Variants in SLC24A1 observed in about 807,000 individuals in gnomAD.
The protein encoded by SLC24A1 is sodium/potassium/calcium exchanger 1.
A neutral mutation model predicts 88.1 loss-of-function variants in SLC24A1; 52 were observed. The ratio of observed to expected loss-of-function variants is 0.59; its 90% CI spans 0.47 to 0.74. The LOEUF (loss-of-function observed/expected upper bound fraction) is 0.74. Among genes scored for constraint, SLC24A1 ranks in the 30% least tolerant of loss-of-function variants. The pLI, the probability that SLC24A1 is intolerant of heterozygous loss-of-function variation, is 0.00. For synonymous variants in SLC24A1, 455 were observed against 498.0 expected (o/e 0.91, Z 1.15); for missense variants, 1,173 against 1,363.3 (o/e 0.86, Z 2.20).
downstream of SLC24A1, among the ~76,000 whole-genome samples, chr15:65,657,070 C>T (rs528775422): frequency 3.3e-5 from 5 of 151,990 alleles, no homozygotes; most frequent in Non-Finnish European, 7.4e-5. Flanking sequence ...AGGGTTTTGC[C>T]ATGTTGCCCA....
At chr15:65,613,937 C>T (rs990799611) in intron 2 of SLC24A1, among the ~76,000 whole-genome samples, 2 of 152,128 alleles carry the variant, frequency 1.3e-5, no homozygotes, top group African/African-American at 2.4e-5. Context: ...CCTGCATTTC[C>T]CTTTCTGCCC....
intron 2 of SLC24A1, among the ~76,000 whole-genome samples, chr15:65,633,016 A>C (rs1421410262): frequency 6.6e-6 from 1 of 152,234 alleles, no homozygotes; most frequent in Non-Finnish European, 1.5e-5. Context: ...GAGAGCCGAC[A>C]TCTCAACACA....
At chr15:65,637,656 T>C (rs2074986523) in intron 2 of SLC24A1, among the ~76,000 whole-genome samples, 1 of 152,196 alleles carries the variant, frequency 6.6e-6, no homozygotes, top group South Asian at 2.1e-4. Context: ...ACCTTCAAGA[T>C]GCTAGTGGGG....
downstream of SLC24A1, among the ~76,000 whole-genome samples, chr15:65,656,582 T>G (rs1231443750): frequency 2.6e-5 from 4 of 152,240 alleles, no homozygotes; most frequent in African/African-American, 9.6e-5. Context: ...GAGATGGTCC[T>G]CTCACTTTAT....
At chr15:65,657,697 G>A (rs1035629601), downstream of SLC24A1, among the ~76,000 whole-genome samples, 3 of 152,220 alleles carry the variant, frequency 2.0e-5, no homozygotes, top group African/African-American at 4.8e-5. Context: ...ATGTGCCAAT[G>A]AATACTCTTG....
At chr15:65,649,919 C>T (rs1407573020) in intron 6 of SLC24A1, among the ~76,000 whole-genome samples, 1 of 152,166 alleles carries the variant, frequency 6.6e-6, no homozygotes, top group African/African-American at 2.4e-5. Flanking sequence ...GGATGCCCTC[C>T]TCCTGGGATA....
intron 2 of SLC24A1, among the ~76,000 whole-genome samples, chr15:65,627,155 T>A (rs143769150): frequency 6.6e-6 from 1 of 152,334 alleles, no homozygotes; most frequent in African/African-American, 2.4e-5. Flanking sequence ...TAACATGTTG[T>A]TCTGGCCAAA....
chr15:65,644,521 G>A lies in SLC24A1; in HGVS notation c.2140+8G>A. 1 of 1,567,262 alleles carries A rather than the reference G, an allele frequency of 6.4e-7. No individual in the cohort carries two copies. The highest frequency in any genetic ancestry group is 8.7e-7 in the Non-Finnish European group (1 of 1,154,650). On this transcript the variant is annotated splice_region_variant and intron_variant, in intron 5 of 9. Coordinates refer to ENST00000261892, the MANE Select transcript of SLC24A1 (RefSeq NM_004727.3). ...CAGAAAGCAAACCAGAAGGTGAGAG[G>A]ATGGCCAGACCAGTGGGTTTTCTCC...
Position 65,625,886 on chromosome 15 carries a change from G to C in SLC24A1, c.1806G>C (p.Trp602Cys), listed in dbSNP as rs2141474039. 1 of 1,613,998 alleles carries C rather than the reference G, an allele frequency of 6.2e-7. No homozygotes were observed. The highest frequency in any genetic ancestry group is 8.5e-7 in the Non-Finnish European group (1 of 1,179,900). The change falls in exon 2 of 10, where the codon TGG becomes TGC. Residue 602 changes from tryptophan (W) to cysteine (C), a missense_variant. Coordinates refer to ENST00000261892, the MANE Select transcript of SLC24A1 (RefSeq NM_004727.3). ...AYAFYVFTMK[W>C]NKHIEVWVKE... ...CCTTCTATGTGTTCACCATGAAGTG[G>C]AACAAGCATATCGAGGTCTGGGTGA... is the stretch of plus-strand genomic sequence containing the variant.
chr15:65,653,779 G>T, intron 9 of SLC24A1, 51 bp from the exon 10 acceptor site: 1 of 1,576,666 alleles, frequency 6.3e-7, no homozygotes, highest in Non-Finnish European at 8.7e-7. Context: ...TTAAGTGTAT[G>T]GGATTATTAT....
At position 65,650,621 on chromosome 15, in the gene SLC24A1, T is replaced by A; in HGVS notation, c.2472T>A (p.Asn824Lys). 1 of 1,550,552 alleles carries A rather than the reference T, an allele frequency of 6.4e-7. No homozygotes were observed. The highest frequency in any genetic ancestry group is 8.7e-7 in the Non-Finnish European group (1 of 1,146,500). Residue 824 changes from asparagine (N) to lysine (K), a missense_variant, in exon 7 of 10, where the codon AAT becomes AAA. Physicochemically the swap from Asn to Lys is moderately conservative, Grantham distance 94. Transcript: ENST00000261892. The surrounding 1 kb of genome is among the most constrained non-coding windows in gnomAD (Gnocchi z 4.1). ...IHAEDGEMKGNEGETESQELS... is the reference protein window; with the variant it reads ...IHAEDGEMKGKEGETESQELS... ...CAGAAGATGGTGAAATGAAAGGTAA[T>A]GAAGGTGAAACTGAAAGCCAGGAAC...
Position 65,654,763 on chromosome 15 carries a change from T to C in SLC24A1, c.*684T>C. 1 of 1,132,928 alleles carries C rather than the reference T, an allele frequency of 8.8e-7. No individual in the cohort carries two copies. Among genetic ancestry groups the C allele is most frequent in the Non-Finnish European group, 1.2e-6 (1 of 854,330 alleles). 70.2% of individuals were successfully genotyped at this position (1,132,928 alleles called of 1,614,324 possible). On this transcript the variant is annotated 3_prime_UTR_variant, in exon 10 of 10. Coordinates refer to ENST00000261892, the MANE Select transcript of SLC24A1 (RefSeq NM_004727.3). Reference sequence around the variant, plus strand: ...TCTTGTTGCCCAGGCTGGTGTGCAATGGCGTGATCTCGGCACACCACAACC... The same window carrying C: ...TCTTGTTGCCCAGGCTGGTGTGCAACGGCGTGATCTCGGCACACCACAACC...
intron 2 of SLC24A1, among the ~76,000 whole-genome samples, chr15:65,631,123 G>C (rs1353468548): frequency 6.6e-6 from 1 of 152,146 alleles, no homozygotes; most frequent in Non-Finnish European, 1.5e-5. Context: ...TAGTTTAACA[G>C]TTTGTTGTTT....
chr15:65,654,534 G>A lies in SLC24A1; in HGVS notation c.*455G>A, dbSNP rs1661119506. On this transcript the variant is annotated 3_prime_UTR_variant, in exon 10 of 10. Coordinates refer to ENST00000261892, the MANE Select transcript of SLC24A1 (RefSeq NM_004727.3). ...TGCCCCAAACACACGCTGCAATTTT[G>A]TCTCCTCCTTTTCTGTTCAAATTGT... The A allele has an allele frequency of 8.5e-7, 1 of 1,182,004 alleles. No homozygotes were observed. The highest frequency in any genetic ancestry group is 1.1e-6 in the Non-Finnish European group (1 of 942,112). 73.2% of individuals were successfully genotyped at this position (1,182,004 alleles called of 1,614,324 possible).
rs200075037 is a variant in SLC24A1 at position 65,648,668 on chromosome 15, A to T, written c.2233-1714A>T. On this transcript the variant is annotated intron_variant, in intron 6 of 9. Coordinates refer to ENST00000261892, the MANE Select transcript of SLC24A1 (RefSeq NM_004727.3). ...CACCACGCCTGGCTAATTTTTATTT[A>T]TTTATTTTTTTTAAGTAGATATGGG... Among the ~76,000 whole-genome samples, 539 of 150,118 alleles carry T rather than the reference A, an allele frequency of 3.6e-3. 10 individuals are homozygous for T. The East Asian group carries it at 0.051, about 14-fold the overall frequency.
chr15:65,657,434 G>C (rs1029199927), downstream of SLC24A1, among the ~76,000 whole-genome samples: 1 of 152,128 alleles, frequency 6.6e-6, no homozygotes, highest in East Asian at 1.9e-4. Context: ...GAGGTCAGTA[G>C]ATCGAGACCA....
downstream of SLC24A1, chr15:65,658,187 T>A (rs2141764460): frequency 6.6e-6 from 1 of 152,312 alleles, no homozygotes; most frequent in South Asian, 2.1e-4. Context: ...AGCCAGCCAA[T>A]ATGCTTACTT....
At chr15:65,644,350 G>A (rs2075232468) in intron 4 of SLC24A1, 77 bp from the exon 5 acceptor site, 1 of 1,024,972 alleles carries the variant, frequency 9.8e-7, no homozygotes, top group Admixed American at 2.0e-5. Flanking sequence ...CTGCTCAGCT[G>A]ACTGTCCTAA....
upstream of SLC24A1, among the ~76,000 whole-genome samples, chr15:65,618,352 T>C (rs1036299137): frequency 3.9e-5 from 6 of 152,236 alleles, no homozygotes; most frequent in Admixed American, 2.6e-4. Context: ...GATTTATTAA[T>C]ATATCTTGGT....
Sources: gnomAD v4.1 joint callset for allele counts (sites outside exome capture counted in the v4.1 genomes callset) on GRCh38, gnomAD v4.1.1 for gene constraint, Gnocchi (gnomAD v3.1) non-coding constraint, MANE v1.5 for transcripts, NCBI Gene and HGNC (gene_info 2026-07-23, HGNC 2026-07-21) for gene names.